Variants in ZNF536 observed in about 807,000 individuals in gnomAD.
ZNF536 encodes the protein zinc finger protein 536.
ZNF536 carries 13 observed loss-of-function variants against 84.5 expected under a neutral mutation model. The observed-to-expected ratio is 0.15, with a 90% confidence interval of 0.10 to 0.24. The LOEUF is 0.24. ZNF536 is among the 10% of genes least tolerant of loss of function. The probability of loss-of-function intolerance (pLI) is 1.00; values close to 1 mark genes in which losing one functional copy is unlikely to be tolerated. For synonymous variants in ZNF536, 811 were observed against 742.5 expected, an observed-to-expected ratio of 1.09 and a Z score of -1.50; for missense variants, 1,536 against 1,747.5, an observed-to-expected ratio of 0.88 and a Z score of 2.16.
intron 1 of ZNF536, among the ~76,000 whole-genome samples, chr19:30,245,658 T>A (rs114890814): frequency 6.6e-6 from 1 of 152,136 alleles, no homozygotes; most frequent in Non-Finnish European, 1.5e-5. Context: ...AGAAAGAAGG[T>A]TGTCTCTCTA....
chr19:30,682,693 C>G (rs769193689), intron 1 of ZNF536, among the ~76,000 whole-genome samples: 1 of 152,172 alleles, frequency 6.6e-6, no homozygotes, highest in Non-Finnish European at 1.5e-5. Flanking sequence ...CTCTCTGCCT[C>G]CCCTCAGCCC....
At chr19:30,608,009 T>C (rs1237359652) in intron 1 of ZNF536, among the ~76,000 whole-genome samples, 1 of 152,224 alleles carries the variant, frequency 6.6e-6, no homozygotes, top group African/African-American at 2.4e-5. Flanking sequence ...TGCTTACCCA[T>C]ACAGGATATG....
upstream of ZNF536, among the ~76,000 whole-genome samples, chr19:30,368,218 G>A (rs544776257): frequency 1.3e-5 from 2 of 152,364 alleles, no homozygotes; most frequent in Admixed American, 6.5e-5. Flanking sequence ...TGATTGAAAC[G>A]TGGTGGGGTG....
At chr19:30,437,272 GA>G (rs2148053723) in intron 1 of ZNF536, among the ~76,000 whole-genome samples, 1 of 152,200 alleles carries the variant, frequency 6.6e-6, no homozygotes, top group African/African-American at 2.4e-5. Flanking sequence ...TTGAGTGAAA[GA>G]TACAATTAGG....
chr19:30,383,723 CTT>C (rs1292670505), intron 1 of ZNF536, among the ~76,000 whole-genome samples: 3,309 of 38,346 alleles, frequency 0.086, 387 homozygotes, highest in African/African-American at 0.22. Context: ...TTCTTTCTTT[CTT>C]TCTTTCTTTC....
chr19:30,701,434 CAG>C (rs1192234248), intron 1 of ZNF536, among the ~76,000 whole-genome samples: 1 of 150,008 alleles, frequency 6.7e-6, no homozygotes, highest in Admixed American at 6.6e-5. Flanking sequence ...AACACACACA[CAG>C]ACACAAACAC....
chr19:30,473,076 C>T (rs1455956526), intron 2 of ZNF536, among the ~76,000 whole-genome samples: 1 of 151,012 alleles, frequency 6.6e-6, no homozygotes, highest in Non-Finnish European at 1.5e-5. Flanking sequence ...CGTGGTGGCA[C>T]ACACCTATAG....
chr19:30,711,502 A>T (rs749823209), exon 2 of ZNF536: 1 of 152,198 alleles, frequency 6.6e-6, no homozygotes. Flanking sequence ...TGCCAGTCAG[A>T]CTGGAGCGGT....
At chr19:30,456,308 C>CTTTTTTTTTTT (rs11301441) in intron 2 of ZNF536, among the ~76,000 whole-genome samples, 12 of 108,088 alleles carry the variant, frequency 1.1e-4, no homozygotes, top group Non-Finnish European at 1.7e-4. Context: ...TGTTTCTTTT[C>CTTTTTTTTTTT]TTTTTTTTTT....
In ZNF536 at chr19:30,246,777, G is replaced by A. The variant is rs145086814; in HGVS notation, c.-190+18104G>A. Among the ~76,000 whole-genome samples the A allele has an allele frequency of 2.1e-3, 313 of 152,290 alleles. 1 individual carries two copies. The highest frequency in any genetic ancestry group is 7.0e-3 in the African/African-American group (292 of 41,566). On this transcript the variant is annotated intron_variant, in intron 1 of 5. Transcript: ENST00000585628. ...CTATTTGCTGTCTAGCGGTAGCCAA[G>A]GCTAGCTTTTTTCTTTTTCAATTCA...
chr19:30,617,126 T>C (rs2048323691), intron 1 of ZNF536, among the ~76,000 whole-genome samples: 1 of 151,398 alleles, frequency 6.6e-6, no homozygotes, highest in Non-Finnish European at 1.5e-5. Flanking sequence ...TCCTTTTTTA[T>C]TTTTATTTTT....
intron 1 of ZNF536, among the ~76,000 whole-genome samples, chr19:30,283,068 C>T (rs1173908131): frequency 3.3e-5 from 5 of 152,194 alleles, no homozygotes; most frequent in Non-Finnish European, 5.9e-5. Context: ...CAAACTTCTT[C>T]GGCTGGGGCT....
intron 1 of ZNF536, among the ~76,000 whole-genome samples, chr19:30,709,620 G>A (rs2052382825): frequency 6.6e-6 from 1 of 151,864 alleles, no homozygotes. Context: ...CTGGTTTTTT[G>A]TTTGTTTGTT....
intron 1 of ZNF536, among the ~76,000 whole-genome samples, chr19:30,650,653 G>A (rs1036868742): frequency 3.3e-5 from 5 of 152,070 alleles, no homozygotes; most frequent in Non-Finnish European, 5.9e-5. Context: ...CTTGCTGTCC[G>A]TAGAAAGAGG....
At chr19:30,303,801 T>C (rs1476408448) in intron 2 of ZNF536, among the ~76,000 whole-genome samples, 1 of 152,156 alleles carries the variant, frequency 6.6e-6, no homozygotes, top group African/African-American at 2.4e-5. Context: ...CCGACACTTT[T>C]TTATTAGGCA....
intron 1 of ZNF536, among the ~76,000 whole-genome samples, chr19:30,273,231 GTA>G (rs1491250356): frequency 6.7e-6 from 1 of 148,432 alleles, no homozygotes. Context: ...GTGTGTGTGT[GTA>G]TACCTAAGTT....
chr19:30,252,597 G>A (rs2024679950), intron 1 of ZNF536, among the ~76,000 whole-genome samples: 1 of 152,108 alleles, frequency 6.6e-6, no homozygotes. Flanking sequence ...CCATTTTTTT[G>A]AGTGAGTGGA....
At chr19:30,373,560 A>T (rs1319945485) in intron 1 of ZNF536, among the ~76,000 whole-genome samples, 2 of 152,210 alleles carry the variant, frequency 1.3e-5, no homozygotes, top group African/African-American at 4.8e-5. Flanking sequence ...TATAATTAAT[A>T]GGAGAATTTT....
chr19:30,615,232 A>G (rs1167832588), intron 1 of ZNF536, among the ~76,000 whole-genome samples: 3 of 151,742 alleles, frequency 2.0e-5, no homozygotes, highest in African/African-American at 7.2e-5. Context: ...GGCGTGAGCC[A>G]CCGCGCCCGG....
Sources: allele counts gnomAD v4.1 joint callset (sites outside exome capture counted in the v4.1 genomes callset), GRCh38; gene constraint gnomAD v4.1.1; transcripts MANE v1.5; gene names NCBI Gene and HGNC (gene_info 2026-07-23, HGNC 2026-07-21).